PTPRG: variants seen among roughly 807,000 people sequenced by gnomAD.
PTPRG encodes receptor-type tyrosine-protein phosphatase gamma.
A neutral mutation model predicts 165.3 loss-of-function variants in PTPRG; 102 were observed. That is an observed-to-expected ratio of 0.62 (90% CI 0.53 to 0.73). The LOEUF is 0.73. Ranked by LOEUF, PTPRG falls within the 30% of genes least tolerant of loss-of-function variation. PTPRG has a pLI of 0.00. For synonymous variants in PTPRG, 675 were observed against 669.5 expected (o/e 1.01, Z -0.13); for missense variants, 1,866 against 1,861.4 (o/e 1.00, Z -0.05).
In PTPRG at chr3:62,131,533, A is replaced by T. The variant is rs12629730; in HGVS notation, c.616-1069A>T. Among the ~76,000 whole-genome samples, 77 of 152,318 alleles carry T rather than the reference A, an allele frequency of 5.1e-4. No homozygotes were observed. The East Asian group carries it at 0.014, about 27-fold the overall frequency. ...AATTGACCTGAAAACATCAAATTGGATTGTGCTACACAGTGAAAGGTTCAT... is the reference window on the plus strand; with the variant it reads ...AATTGACCTGAAAACATCAAATTGGTTTGTGCTACACAGTGAAAGGTTCAT... On this transcript the variant is annotated intron_variant, in intron 5 of 29. Transcript: ENST00000474889.
At chr3:61,971,997 T>C (rs553666764) in intron 2 of PTPRG, among the ~76,000 whole-genome samples, 1 of 152,368 alleles carries the variant, frequency 6.6e-6, no homozygotes, top group African/African-American at 2.4e-5. Flanking sequence ...GAATTTCCCT[T>C]GGGGCAGTGA....
At chr3:61,621,075 G>C (rs185771738) in intron 1 of PTPRG, among the ~76,000 whole-genome samples, 1 of 146,316 alleles carries the variant, frequency 6.8e-6, no homozygotes, top group Non-Finnish European at 1.5e-5. Flanking sequence ...GTGTGTGTGT[G>C]TGTATATTTA....
chr3:61,777,525 G>C (rs1478084292), intron 2 of PTPRG, among the ~76,000 whole-genome samples: 1 of 152,156 alleles, frequency 6.6e-6, no homozygotes, highest in African/African-American at 2.4e-5. Flanking sequence ...CAACTGTCAC[G>C]GTACTGCAGA....
intron 1 of PTPRG, among the ~76,000 whole-genome samples, chr3:61,612,003 C>G (rs1203032113): frequency 1.3e-5 from 2 of 152,158 alleles, no homozygotes; most frequent in Admixed American, 1.3e-4. Context: ...AGTGCAGTGG[C>G]ACTATCTCGG....
chr3:61,593,495 T>G (rs1469088554), intron 1 of PTPRG, among the ~76,000 whole-genome samples: 1 of 151,772 alleles, frequency 6.6e-6, no homozygotes, highest in African/African-American at 2.4e-5. Context: ...GCATAAAGGC[T>G]TAAATCTATT....
intron 1 of PTPRG, among the ~76,000 whole-genome samples, chr3:61,607,694 G>A (rs1701052614): frequency 6.6e-6 from 1 of 152,130 alleles, no homozygotes; most frequent in Admixed American, 6.5e-5. Flanking sequence ...GCCAGGAGGG[G>A]GAAGTTGTAG....
At chr3:61,775,409 G>T (rs1575654159) in intron 2 of PTPRG, among the ~76,000 whole-genome samples, 3 of 152,264 alleles carry the variant, frequency 2.0e-5, no homozygotes, top group South Asian at 4.1e-4. Context: ...AAGCTTGCAA[G>T]ACTGTATGTA....
At chr3:62,265,896 TACACACAC>T (rs143246257) in intron 17 of PTPRG, among the ~76,000 whole-genome samples, 11 of 130,612 alleles carry the variant, frequency 8.4e-5, no homozygotes, top group South Asian at 2.8e-4. Context: ...GTGCCTTATA[TACACACAC>T]ACACACACAC....
At chr3:61,806,136 T>A (rs181348602) in intron 2 of PTPRG, among the ~76,000 whole-genome samples, 1 of 152,274 alleles carries the variant, frequency 6.6e-6, no homozygotes, top group Admixed American at 6.5e-5. Flanking sequence ...TGTGCCTAGG[T>A]CTCTTCCAAA....
chr3:62,064,907 A>AT (rs2106704096), intron 4 of PTPRG, among the ~76,000 whole-genome samples: 1 of 151,672 alleles, frequency 6.6e-6, no homozygotes, highest in Non-Finnish European at 1.5e-5. Context: ...AATTTTTTGT[A>AT]TTTTTTAGTA....
At chr3:61,871,143 G>GTTA (rs2037562969) in intron 2 of PTPRG, among the ~76,000 whole-genome samples, 7 of 130,168 alleles carry the variant, frequency 5.4e-5, no homozygotes, top group African/African-American at 2.3e-4. Context: ...GTGTTGTGTT[G>GTTA]TGTTGTGTTG....
intron 12 of PTPRG, among the ~76,000 whole-genome samples, chr3:62,206,588 A>AT (rs1354326923): frequency 1.3e-5 from 2 of 152,010 alleles, no homozygotes; most frequent in African/African-American, 4.8e-5. Context: ...TTCCTTTGCT[A>AT]TTGTCTGTGG....
At chr3:61,919,294 G>A (rs930361119) in intron 2 of PTPRG, among the ~76,000 whole-genome samples, 1 of 152,216 alleles carries the variant, frequency 6.6e-6, no homozygotes, top group African/African-American at 2.4e-5. Context: ...AAGTAGGGGA[G>A]TGTTTTGGGT....
At chr3:61,824,003 A>G (rs1443114010) in intron 2 of PTPRG, among the ~76,000 whole-genome samples, 1 of 152,158 alleles carries the variant, frequency 6.6e-6, no homozygotes, top group African/African-American at 2.4e-5. Flanking sequence ...GGGCGCCTGT[A>G]GTCCCAGCTA....
chr3:61,875,641 A>G (rs2037717353), intron 2 of PTPRG, among the ~76,000 whole-genome samples: 1 of 152,096 alleles, frequency 6.6e-6, no homozygotes, highest in Non-Finnish European at 1.5e-5. Flanking sequence ...ACACATGCAC[A>G]TGCGCACACA....
chr3:61,640,890 T>C (rs1702040953), intron 1 of PTPRG, among the ~76,000 whole-genome samples: 1 of 152,202 alleles, frequency 6.6e-6, no homozygotes, highest in Non-Finnish European at 1.5e-5. Context: ...CTCAGTGTTT[T>C]AAGTGGGAAG....
intron 2 of PTPRG, among the ~76,000 whole-genome samples, chr3:61,915,862 A>G (rs1231809499): frequency 6.6e-6 from 1 of 152,232 alleles, no homozygotes. Flanking sequence ...GAAATCCCAA[A>G]TAGTGACACT....
At chr3:62,106,380 C>G (rs1365342287) in intron 5 of PTPRG, among the ~76,000 whole-genome samples, 1 of 152,144 alleles carries the variant, frequency 6.6e-6, no homozygotes, top group South Asian at 2.1e-4. Flanking sequence ...AAAGTGAGAT[C>G]AGAGTGCGGG....
Position 62,271,877 on chromosome 3 carries a change from C to T in PTPRG, c.3182+322C>T, listed in dbSNP as rs1702080004. Reference sequence around the variant, plus strand: ...GGCTGAGGTGGGTGGATCACTTGAGCCCAGGAGTTTGAGACCAGCCTGGGC... The same window carrying T: ...GGCTGAGGTGGGTGGATCACTTGAGTCCAGGAGTTTGAGACCAGCCTGGGC... On this transcript the variant is annotated intron_variant, in intron 21 of 29. Transcript: ENST00000474889. This position sits in a 1 kb window ranked among gnomAD's most constrained non-coding sequence, Gnocchi z 4.1. Among the ~76,000 whole-genome samples the T allele has an allele frequency of 6.6e-6, 1 of 151,978 alleles. No individual in the cohort carries two copies. The highest frequency in any genetic ancestry group is 1.5e-5 in the Non-Finnish European group (1 of 67,994).
Sources: gnomAD v4.1 joint callset for allele counts (sites outside exome capture counted in the v4.1 genomes callset) on GRCh38, gnomAD v4.1.1 for gene constraint, Gnocchi (gnomAD v3.1) non-coding constraint, MANE v1.5 for transcripts, NCBI Gene and HGNC (gene_info 2026-07-23, HGNC 2026-07-21) for gene names.